The following THADA variants were observed in gnomAD, a reference collection of about 807,000 sequenced individuals.
THADA encodes the protein tRNA (32-2'-O)-methyltransferase regulator THADA.
A neutral mutation model predicts 219.8 loss-of-function variants in THADA; 213 were observed. The observed-to-expected ratio is 0.97, with a 90% CI of 0.87 to 1.09. The LOEUF is 1.09. Among genes scored for constraint, THADA ranks in the 50% least tolerant of loss-of-function variants. The probability of loss-of-function intolerance (pLI) is 0.00; values close to 1 mark genes in which losing one functional copy is unlikely to be tolerated. For synonymous variants in THADA, 1,018 were observed against 828.9 expected, an observed-to-expected ratio of 1.23 and a Z score of -3.92; for missense variants, 2,956 against 2,311.3, an observed-to-expected ratio of 1.28 and a Z score of -5.72.
chr2:43,303,691 C>A (rs985776102), intron 31 of THADA, among the ~76,000 whole-genome samples: 1 of 134,834 alleles, frequency 7.4e-6, no homozygotes, highest in Non-Finnish European at 1.5e-5. Flanking sequence ...GAAGTTACAT[C>A]ATAACAGCAT....
At chr2:43,423,869 G>A (rs1199604573) in intron 28 of THADA, among the ~76,000 whole-genome samples, 1 of 152,128 alleles carries the variant, frequency 6.6e-6, no homozygotes, top group Non-Finnish European at 1.5e-5. Flanking sequence ...CTAGTCTCTA[G>A]AAAGCCCAGA....
intron 32 of THADA, 58 bp downstream of exon 32, chr2:43,292,776 T>G: frequency 6.4e-7 from 1 of 1,559,858 alleles, no homozygotes; most frequent in Non-Finnish European, 8.6e-7. Flanking sequence ...ACCATTCCAG[T>G]GGCTCACAAA....
At chr2:43,304,027 G>A (rs901274956) in intron 31 of THADA, among the ~76,000 whole-genome samples, 1 of 152,138 alleles carries the variant, frequency 6.6e-6, no homozygotes. Context: ...TAAACATCTT[G>A]CCATGCTGAA....
At chr2:43,232,190 T>TC (rs1186533391) in intron 37 of THADA, among the ~76,000 whole-genome samples, 1 of 151,842 alleles carries the variant, frequency 6.6e-6, no homozygotes, top group African/African-American at 2.4e-5. Flanking sequence ...TCTTTTCTTT[T>TC]TTTTTTGAGA....
intron 26 of THADA, among the ~76,000 whole-genome samples, chr2:43,460,909 G>T (rs1179661588): frequency 6.6e-6 from 1 of 152,178 alleles, no homozygotes; most frequent in Admixed American, 6.5e-5. Flanking sequence ...GTGAAGCTTG[G>T]CATTGCAGAA....
chr2:43,530,288 A>C (rs1306801040), intron 21 of THADA, among the ~76,000 whole-genome samples: 1 of 152,242 alleles, frequency 6.6e-6, no homozygotes, highest in Non-Finnish European at 1.5e-5. Flanking sequence ...GTCAAGAGCC[A>C]CAGTCAGGTA....
intron 36 of THADA, among the ~76,000 whole-genome samples, chr2:43,278,526 A>G (rs935154524): frequency 3.3e-5 from 5 of 152,202 alleles, no homozygotes; most frequent in Non-Finnish European, 5.9e-5. Flanking sequence ...AATTTTAGCT[A>G]TTGGGCAAGT....
intron 31 of THADA, among the ~76,000 whole-genome samples, chr2:43,313,665 C>T (rs1336716567): frequency 1.3e-5 from 2 of 152,166 alleles, no homozygotes; most frequent in African/African-American, 4.8e-5. Flanking sequence ...GGATGGGAAA[C>T]AGAAACACAA....
At chr2:43,356,485 G>A (rs1668883711) in intron 29 of THADA, among the ~76,000 whole-genome samples, 1 of 152,134 alleles carries the variant, frequency 6.6e-6, no homozygotes, top group African/African-American at 2.4e-5. Context: ...CTACTATGAA[G>A]ATTAAAAAGT....
intron 36 of THADA, among the ~76,000 whole-genome samples, chr2:43,254,764 G>T (rs1036095930): frequency 6.6e-6 from 1 of 152,154 alleles, no homozygotes; most frequent in African/African-American, 2.4e-5. Flanking sequence ...TGAACACACA[G>T]TGACATGGAG....
intron 26 of THADA, among the ~76,000 whole-genome samples, chr2:43,431,421 G>C (rs1044718052): frequency 6.6e-6 from 1 of 151,936 alleles, no homozygotes. Context: ...ATTACAGTTT[G>C]GTTTTGTCTA....
chr2:43,457,980 G>A (rs1367168061), intron 26 of THADA, among the ~76,000 whole-genome samples: 14 of 151,900 alleles, frequency 9.2e-5, no homozygotes, highest in Non-Finnish European at 1.9e-4. Context: ...CAGTCTCACT[G>A]TCCTCTACCT....
At chr2:43,544,735 G>A (rs1245911702) in intron 20 of THADA, among the ~76,000 whole-genome samples, 2 of 151,634 alleles carry the variant, frequency 1.3e-5, no homozygotes, top group African/African-American at 4.9e-5. Flanking sequence ...TGTATCCTGA[G>A]ACTTTGCTGA....
chr2:43,251,023 C>G (rs1669756245), intron 36 of THADA, among the ~76,000 whole-genome samples: 1 of 152,120 alleles, frequency 6.6e-6, no homozygotes, highest in Admixed American at 6.5e-5. Context: ...TCCCTGTTTG[C>G]TGGGGTCTGG....
At position 43,467,181 on chromosome 2, in the gene THADA, CA is replaced by C. The variant is rs70963399; in HGVS notation, c.3836+18052del. 8.4e-3 allele frequency among the ~76,000 whole-genome samples: 493 copies of C among 58,374 alleles called. 2 individuals carry two copies. The highest frequency in any genetic ancestry group is 0.024 in the African/African-American group (422 of 17,284). 38.3% of individuals were successfully genotyped at this position (58,374 alleles called of 152,430 possible). On this transcript the variant is annotated intron_variant, in intron 26 of 37. Coordinates refer to ENST00000405975, the MANE Select transcript of THADA (RefSeq NM_022065.5). Reference sequence around the variant, plus strand: ...TGGGCGACAGAGCGAGACTCCGTCTCAAAAAAAAAAAAAAAAAAAAAAAAAC... The same window carrying C: ...TGGGCGACAGAGCGAGACTCCGTCTCAAAAAAAAAAAAAAAAAAAAAAAAC...
intron 31 of THADA, among the ~76,000 whole-genome samples, chr2:43,306,636 TCC>T (rs1676897827): frequency 2.0e-5 from 3 of 152,196 alleles, no homozygotes. Context: ...CTGAAGAGGT[TCC>T]TGGCACCAAA....
At chr2:43,320,840 T>C (rs867632624) in intron 30 of THADA, among the ~76,000 whole-genome samples, 1 of 152,160 alleles carries the variant, frequency 6.6e-6, no homozygotes, top group South Asian at 2.1e-4. Context: ...TCTTAGTTAG[T>C]TGAAAATAAG....
intron 35 of THADA, among the ~76,000 whole-genome samples, chr2:43,284,358 G>A (rs998841760): frequency 6.6e-6 from 1 of 152,060 alleles, no homozygotes; most frequent in Non-Finnish European, 1.5e-5. Context: ...GACACAGCAC[G>A]CTGTGTCCCA....
chr2:43,317,698 A>G (rs1335201560), intron 31 of THADA, among the ~76,000 whole-genome samples: 2 of 152,222 alleles, frequency 1.3e-5, no homozygotes, highest in South Asian at 2.1e-4. Flanking sequence ...TCCATCCTCA[A>G]AGAAAGAAAA....
Sources: allele counts gnomAD v4.1 joint callset (sites outside exome capture counted in the v4.1 genomes callset), GRCh38; gene constraint gnomAD v4.1.1; transcripts MANE v1.5; gene names NCBI Gene and HGNC (gene_info 2026-07-23, HGNC 2026-07-21).